The following TCP11L2 variants were observed in gnomAD, a reference collection of about 807,000 sequenced individuals.
TCP11L2 encodes the protein T-complex protein 11-like protein 2.
In TCP11L2, 39 loss-of-function variants were observed where a neutral mutation model predicts 50.7. The observed-to-expected ratio is 0.77, with a 90% confidence interval of 0.60 to 1.01. The LOEUF is 1.01. Ranked by LOEUF, TCP11L2 falls within the 50% of genes least tolerant of loss-of-function variation. The pLI is 0.00. For synonymous variants in TCP11L2, 192 were observed against 219.3 expected (o/e 0.88, Z 1.10); for missense variants, 612 against 614.7 (o/e 1.00, Z 0.05).
intron 1 of TCP11L2, among the ~76,000 whole-genome samples, chr12:106,310,260 C>T (rs542391106): frequency 7.2e-5 from 11 of 152,178 alleles, no homozygotes; most frequent in Non-Finnish European, 1.3e-4. Flanking sequence ...TCTGTTCCCC[C>T]ACTTGTGAGT....
At chr12:106,324,293 T>C (rs2035461383) in intron 6 of TCP11L2, 1 of 152,176 alleles carries the variant, frequency 6.6e-6, no homozygotes, top group Admixed American at 6.5e-5. Flanking sequence ...AAAAGAACGT[T>C]CTAGCCTGAG....
chr12:106,324,517 T>G (rs1478007757), intron 6 of TCP11L2: 1 of 152,192 alleles, frequency 6.6e-6, no homozygotes, highest in Non-Finnish European at 1.5e-5. Flanking sequence ...AGAGTTTTAA[T>G]CAGGGGAGCA....
intron 9 of TCP11L2, among the ~76,000 whole-genome samples, chr12:106,345,321 G>A (rs2036199472): frequency 6.6e-6 from 1 of 152,006 alleles, no homozygotes; most frequent in African/African-American, 2.4e-5. Context: ...TTCAACCAGG[G>A]TACTTTTGAG....
rs138672494 is a variant in TCP11L2 at position 106,321,690 on chromosome 12, A to G, written c.619A>G (p.Ile207Val). 4 of 1,614,158 alleles carry G rather than the reference A, an allele frequency of 2.5e-6. No homozygotes were observed. The East Asian group carries it at 6.7e-5, about 27-fold the overall frequency. The change falls in exon 5 of 10, where the codon ATC becomes GTC. Residue 207 changes from isoleucine to valine, a missense_variant. By Grantham distance (29) the Ile-to-Val change is conservative. Coordinates refer to ENST00000299045, the MANE Select transcript of TCP11L2 (RefSeq NM_152772.3). ...CAGAGAGTTAAAGGCTACTGGCAAC[A>G]TCGTGGAGGTGCTGAGGTTAGCACT... is the stretch of plus-strand genomic sequence containing the variant. ...DIRELKATGN[I>V]VEVLRQIFHV... is the part of the protein sequence containing the mutation.
rs779090508 is a variant in TCP11L2 at position 106,340,825 on chromosome 12, G to A, written c.1143-1G>A. On this transcript the variant is annotated splice_acceptor_variant, in intron 8 of 9. Coordinates refer to ENST00000299045, the MANE Select transcript of TCP11L2 (RefSeq NM_152772.3). LOFTEE classifies it high-confidence loss of function. ...GTGGAATTTCATTTTATGTTTCATA[G>A]GACCTTTAACTTGAAGGAAGTCCTG... The A allele has an allele frequency of 1.3e-6, 2 of 1,579,764 alleles. No homozygotes were observed. Among genetic ancestry groups the A allele is most frequent in the African/African-American group, 2.7e-5 (2 of 72,864 alleles).
rs149174183 is a variant in TCP11L2 at position 106,326,198 on chromosome 12, A to G, written c.772+2552A>G. Among the ~76,000 whole-genome samples, 330 of 152,292 alleles carry G rather than the reference A, an allele frequency of 2.2e-3. 1 individual carries two copies. The highest frequency in any genetic ancestry group is 7.5e-3 in the African/African-American group (311 of 41,570). ...TAATCAACACAATGGCCTTATATAA[A>G]AAAGACAAAACAGGCGCCACATTTA... On this transcript the variant is annotated intron_variant, in intron 6 of 9. Coordinates refer to ENST00000299045, the MANE Select transcript of TCP11L2 (RefSeq NM_152772.3).
In TCP11L2 at chr12:106,335,797, T is replaced by C; in HGVS notation, c.931T>C (p.Trp311Arg). 2.5e-6 allele frequency: 4 copies of C among 1,613,996 alleles called. No homozygotes were observed. The highest frequency in any genetic ancestry group is 3.4e-6 in the Non-Finnish European group (4 of 1,179,986). ...LNNSYLKLLQWDYQKKELPET... is the reference protein window; with the variant it reads ...LNNSYLKLLQRDYQKKELPET... ...TAATAGTTACTTGAAACTGTTACAG[T>C]GGGATTATCAGAAAAAAGAATTACC... Residue 311 changes from tryptophan to arginine, a missense_variant, in exon 7 of 10, where the codon TGG (tryptophan) becomes CGG (arginine). By Grantham distance (101) the Trp-to-Arg change is moderately radical. Transcript: ENST00000299045.
intron 3 of TCP11L2, among the ~76,000 whole-genome samples, chr12:106,317,460 A>T (rs1333814736): frequency 2.0e-5 from 3 of 152,218 alleles, no homozygotes; most frequent in African/African-American, 7.2e-5. Flanking sequence ...AGGCCGCAGT[A>T]AGCTGAGACT....
At chr12:106,317,599 G>C (rs80102606) in intron 3 of TCP11L2, among the ~76,000 whole-genome samples, 5,246 of 152,298 alleles carry the variant, frequency 0.034, 341 homozygotes, top group African/African-American at 0.12. Context: ...ATCAGGCACT[G>C]TACTAGGCAC....
intron 6 of TCP11L2, chr12:106,326,030 A>C (rs1458185524): frequency 1.3e-5 from 2 of 152,012 alleles, no homozygotes; most frequent in Non-Finnish European, 2.9e-5. Context: ...TATTCCCTTT[A>C]TCTTACAGGC....
intron 1 of TCP11L2, 122 bp from the exon 2 acceptor site, chr12:106,310,919 C>T: frequency 1.2e-6 from 1 of 820,854 alleles, no homozygotes; most frequent in Non-Finnish European, 1.9e-6. Context: ...AGGATGAGGT[C>T]ATCTGGGGGC....
intron 2 of TCP11L2, 142 bp downstream of exon 2, chr12:106,311,374 A>AGT: frequency 2.2e-6 from 2 of 928,488 alleles, no homozygotes; most frequent in Non-Finnish European, 3.1e-6. Context: ...GAGGCACTGC[A>AGT]GCTTTCCGGG....
chr12:106,309,998 T>C (rs528221504), intron 1 of TCP11L2, among the ~76,000 whole-genome samples: 2 of 152,274 alleles, frequency 1.3e-5, no homozygotes, highest in South Asian at 4.1e-4. Flanking sequence ...TTGAGGTGCC[T>C]TTCTCCTTGA....
Position 106,336,151 on chromosome 12 carries a change from G to A in TCP11L2, c.1080G>A (p.Leu360=). 2 of 1,613,740 alleles carry A rather than the reference G, an allele frequency of 1.2e-6. No homozygotes were observed. The highest frequency in any genetic ancestry group is 1.1e-5 in the South Asian group (1 of 90,910). Residue 360 remains leucine, a synonymous_variant, in exon 8 of 10, where the codon CTG becomes CTA. Transcript: ENST00000299045. ...NNMVGAITGG[L]PELASRLTRI... ...TGGTGGGTGCTATTACAGGAGGCCT[G>A]CCTGAGCTTGCAAGCAGGTTAACAA...
At chr12:106,303,200 C>G (rs1168195629) in intron 1 of TCP11L2, 1 of 152,258 alleles carries the variant, frequency 6.6e-6, no homozygotes, top group Non-Finnish European at 1.5e-5. Context: ...TCGGGGTGGA[C>G]ACGGACTTCG....
chr12:106,334,748 C>T (rs1468333589), intron 6 of TCP11L2, among the ~76,000 whole-genome samples: 1 of 152,130 alleles, frequency 6.6e-6, no homozygotes, highest in Non-Finnish European at 1.5e-5. Flanking sequence ...TGAGACCATC[C>T]TGGCCAACAT....
At chr12:106,337,491 T>C (rs1223413362) in intron 8 of TCP11L2, among the ~76,000 whole-genome samples, 3 of 152,228 alleles carry the variant, frequency 2.0e-5, no homozygotes, top group African/African-American at 7.2e-5. Flanking sequence ...GGTCTTATCT[T>C]ATGATTTCCC....
intron 3 of TCP11L2, among the ~76,000 whole-genome samples, chr12:106,316,232 C>A (rs2035074055): frequency 7.4e-6 from 1 of 135,326 alleles, no homozygotes; most frequent in South Asian, 3.0e-4. Flanking sequence ...TTTCTTAGCC[C>A]CCAACAGTTC....
chr12:106,298,221 T>C (rs1019682503), upstream of TCP11L2, among the ~76,000 whole-genome samples: 2 of 152,200 alleles, frequency 1.3e-5, no homozygotes, highest in Non-Finnish European at 2.9e-5. Context: ...ATCTACCTTA[T>C]CTTCCAAATC....
Sources: allele counts gnomAD v4.1 joint callset (sites outside exome capture counted in the v4.1 genomes callset), GRCh38; gene constraint gnomAD v4.1.1; transcripts MANE v1.5; gene names NCBI Gene and HGNC (gene_info 2026-07-23, HGNC 2026-07-21).